The following PAK5 variants were observed in gnomAD, a reference collection of about 807,000 sequenced individuals.
PAK5 encodes the protein p21 (RAC1) activated kinase 5.
In PAK5, 16 loss-of-function variants were observed where a neutral mutation model predicts 65.9. The ratio of observed to expected loss-of-function variants is 0.24; its 90% CI spans 0.16 to 0.37. The LOEUF (loss-of-function observed/expected upper bound fraction) is 0.37, where lower values mean the gene tolerates loss of function less well. PAK5 is among the 10% of genes least tolerant of loss of function. The pLI, the probability that PAK5 is intolerant of heterozygous loss-of-function variation, is 1.00. For missense variants in PAK5, 785 were observed against 903.9 expected, an observed-to-expected ratio of 0.87 and a Z score of 1.69; for synonymous variants, 371 against 354.9, an observed-to-expected ratio of 1.05 and a Z score of -0.51.
Position 9,566,526 on chromosome 20 carries a change from C to A in PAK5, c.991-142G>T, listed in dbSNP as rs148074684. ...GGATCTGGCTGGGGCACCAACAGGA[C>A]CGGCCACACCTAGGGAAGGGCCTTC... On this transcript the variant is annotated intron_variant, in intron 4 of 9. Transcript: ENST00000353224. 3.0e-3 allele frequency: 2,291 copies of A among 760,450 alleles called. 23 individuals are homozygous for A. In the African/African-American group the frequency reaches 0.034, roughly 11 times the overall value. 47.1% of individuals were successfully genotyped at this position (760,450 alleles called of 1,614,324 possible). A position where few individuals can be genotyped will look rare whatever the true frequency, so the allele number is the denominator to read the frequency against.
chr20:9,569,624 T>A (rs2045741513), intron 4 of PAK5, among the ~76,000 whole-genome samples: 1 of 152,184 alleles, frequency 6.6e-6, no homozygotes, highest in Non-Finnish European at 1.5e-5. Context: ...ATGTTGCTCA[T>A]TGGATCTGGT....
intron 1 of PAK5, among the ~76,000 whole-genome samples, chr20:9,813,596 G>A (rs537548860): frequency 2.0e-4 from 31 of 152,212 alleles, no homozygotes; most frequent in Non-Finnish European, 3.7e-4. Context: ...ACCAGCCAAT[G>A]TCCACCAAGA....
intron 1 of PAK5, among the ~76,000 whole-genome samples, chr20:9,788,329 C>T (rs1457675058): frequency 1.3e-5 from 2 of 151,902 alleles, no homozygotes; most frequent in Non-Finnish European, 2.9e-5. Context: ...ATACCTCATT[C>T]TGACAGGTTT....
At chr20:9,660,773 T>A (rs945712669) in intron 2 of PAK5, among the ~76,000 whole-genome samples, 5 of 152,034 alleles carry the variant, frequency 3.3e-5, no homozygotes, top group Admixed American at 2.6e-4. Context: ...ATGTGGATAT[T>A]CCTGGTGGGT....
chr20:9,838,205 G>GCACACACACACGCGCGCA lies in PAK5; in HGVS notation c.-162+556_-162+557insTGCGCGCGTGTGTGTGTG, dbSNP rs1555935665. On this transcript the variant is annotated intron_variant, in intron 1 of 9. Coordinates refer to ENST00000353224, the MANE Select transcript of PAK5 (RefSeq NM_177990.4). This position sits in a 1 kb window ranked among gnomAD's most constrained non-coding sequence, Gnocchi z 4.5. ...GGCGCGCGCGCACACACACACGCGC[G>GCACACACACACGCGCGCA]CACACACACACACACACAAATAACA... is the stretch of plus-strand genomic sequence containing the variant. Among the ~76,000 whole-genome samples, 4 of 150,482 alleles carry GCACACACACACGCGCGCA rather than the reference G, an allele frequency of 2.7e-5. No homozygotes were observed. Among genetic ancestry groups the GCACACACACACGCGCGCA allele is most frequent in the Non-Finnish European group, 4.4e-5 (3 of 67,626 alleles).
At chr20:9,794,079 A>G (rs756183096) in intron 1 of PAK5, among the ~76,000 whole-genome samples, 11 of 151,936 alleles carry the variant, frequency 7.2e-5, no homozygotes, top group Admixed American at 3.9e-4. Context: ...ACACAGGAAC[A>G]GAAGAGCAAA....
chr20:9,650,153 A>T (rs1040091463), intron 2 of PAK5, among the ~76,000 whole-genome samples: 3 of 152,242 alleles, frequency 2.0e-5, no homozygotes, highest in Non-Finnish European at 4.4e-5. Context: ...GGATAACTCA[A>T]TGAGAAGGTA....
chr20:9,768,456 C>T (rs1424236925), intron 1 of PAK5, among the ~76,000 whole-genome samples: 6 of 139,278 alleles, frequency 4.3e-5, no homozygotes, highest in Non-Finnish European at 7.5e-5. Context: ...CCCCCTGTAT[C>T]TATAATAAAA....
intron 6 of PAK5, among the ~76,000 whole-genome samples, chr20:9,558,598 G>A (rs372630339): frequency 3.3e-5 from 5 of 152,200 alleles, no homozygotes; most frequent in African/African-American, 7.2e-5. Context: ...CAGTTTTCAA[G>A]GCTGAGCTCA....
chr20:9,836,501 C>A (rs1439614504), intron 1 of PAK5, among the ~76,000 whole-genome samples: 3 of 152,156 alleles, frequency 2.0e-5, no homozygotes, highest in African/African-American at 4.8e-5. Context: ...ATGCCTGGGG[C>A]TACCAGAAGC....
chr20:9,775,931 G>A (rs1038427444), intron 1 of PAK5, among the ~76,000 whole-genome samples: 11 of 152,008 alleles, frequency 7.2e-5, no homozygotes, highest in African/African-American at 2.2e-4. Context: ...ATTTTTCTTC[G>A]ACATGTAAAT....
intron 3 of PAK5, among the ~76,000 whole-genome samples, chr20:9,638,136 A>C (rs1157719568): frequency 6.6e-6 from 1 of 152,214 alleles, no homozygotes; most frequent in Non-Finnish European, 1.5e-5. Context: ...TGAAAGTCTA[A>C]GTTTGAGAAT....
At chr20:9,631,726 A>G (rs2046924589) in intron 3 of PAK5, among the ~76,000 whole-genome samples, 2 of 152,212 alleles carry the variant, frequency 1.3e-5, no homozygotes, top group South Asian at 4.1e-4. Context: ...GAAAGCTGAT[A>G]TGAAGGTTCT....
intron 2 of PAK5, among the ~76,000 whole-genome samples, chr20:9,671,403 T>C (rs1372821588): frequency 6.6e-6 from 1 of 152,162 alleles, no homozygotes; most frequent in Non-Finnish European, 1.5e-5. Context: ...TTCCTACCCA[T>C]GAGCATAGAA....
intron 1 of PAK5, among the ~76,000 whole-genome samples, chr20:9,782,882 G>A (rs747405795): frequency 9.2e-5 from 14 of 151,732 alleles, no homozygotes; most frequent in Non-Finnish European, 1.8e-4. Context: ...AGAGAGAGTA[G>A]GCATGGTTGT....
At position 9,580,369 on chromosome 20, in the gene PAK5, C is replaced by G; in HGVS notation, c.766G>C (p.Glu256Gln). 1 of 1,614,094 alleles carries G rather than the reference C, an allele frequency of 6.2e-7. No homozygotes were observed. Among genetic ancestry groups the G allele is most frequent in the South Asian group, 1.1e-5 (1 of 91,076 alleles). ...SKESLAYSES[E>Q]WGPSLDDYDR... ...TAGTCATCCAGGCTGGGTCCCCATT[C>G]ACTTTCACTGTACGCCAGGCTCTCC... The change falls in exon 4 of 10, where the codon GAA becomes CAA. Residue 256 changes from glutamate to glutamine, a missense_variant. By Grantham distance (29) the Glu-to-Gln change is conservative. Around this residue, in one of 4 missense-constraint regions of PAK5, gnomAD observed 422 missense variants for 413.3 expected, o/e 1.02. Transcript: ENST00000353224.
At chr20:9,799,163 A>G (rs2049139077) in intron 1 of PAK5, among the ~76,000 whole-genome samples, 1 of 152,154 alleles carries the variant, frequency 6.6e-6, no homozygotes, top group South Asian at 2.1e-4. Context: ...ATGATTCTTG[A>G]ATAAAAGGTG....
chr20:9,684,477 T>A (rs537798669), intron 2 of PAK5, among the ~76,000 whole-genome samples: 3 of 152,328 alleles, frequency 2.0e-5, no homozygotes, highest in Non-Finnish European at 2.9e-5. Flanking sequence ...ATTCAAGGTT[T>A]AGAAACGTGC....
In PAK5 at chr20:9,800,884, C is replaced by A. The variant is rs1438820402; in HGVS notation, c.-162+37878G>T. ...ATTCCCAGCTCCAGACGGACAGACACCATTGAGAGCTAAGATGCCACAGAC... is the reference window on the plus strand; with the variant it reads ...ATTCCCAGCTCCAGACGGACAGACAACATTGAGAGCTAAGATGCCACAGAC... On this transcript the variant is annotated intron_variant, in intron 1 of 9. Transcript: ENST00000353224. Among the ~76,000 whole-genome samples, 6 of 151,730 alleles carry A rather than the reference C, an allele frequency of 4.0e-5. No homozygotes were observed. The East Asian group carries it at 1.2e-3, about 30-fold the overall frequency.
Sources: gnomAD v4.1 joint callset for allele counts (sites outside exome capture counted in the v4.1 genomes callset) on GRCh38, gnomAD v4.1.1 for gene constraint, gnomAD v4.1.1 regional missense constraint, Gnocchi (gnomAD v3.1) non-coding constraint, MANE v1.5 for transcripts, NCBI Gene and HGNC (gene_info 2026-07-23, HGNC 2026-07-21) for gene names.